Variants in ATXN10 observed in about 807,000 individuals in gnomAD.
ATXN10 encodes ataxin 10, also known as ataxin-10.
A neutral mutation model predicts 52.9 loss-of-function variants in ATXN10; 28 were observed. The ratio of observed to expected loss-of-function variants is 0.53; its 90% CI spans 0.39 to 0.73. The LOEUF is 0.73. ATXN10 is among the 30% of genes least tolerant of loss of function. ATXN10 has a pLI of 0.00. For missense variants in ATXN10, 565 were observed against 577.0 expected (o/e 0.98, Z 0.21); for synonymous variants, 226 against 221.5 (o/e 1.02, Z -0.18).
In ATXN10 at chr22:45,732,035, T is replaced by C. The variant is rs1925107282; in HGVS notation, c.894+2445T>C. Among the ~76,000 whole-genome samples the C allele has an allele frequency of 6.6e-6, 1 of 152,234 alleles. No individual in the cohort carries two copies. ...CTTTTCAGGGCACTTCTGTTTAAAA[T>C]ATAGGTGATTTCAGTATTGTAGTGA... On this transcript the variant is annotated intron_variant, in intron 7 of 11. Coordinates refer to ENST00000252934, the MANE Select transcript of ATXN10 (RefSeq NM_013236.4). The surrounding 1 kb of genome is among the most constrained non-coding windows in gnomAD (Gnocchi z 4.5).
At position 45,696,894 on chromosome 22, in the gene ATXN10, A is replaced by AT. The variant is rs796620815; in HGVS notation, c.392-3385dup. On this transcript the variant is annotated intron_variant, in intron 3 of 11. Transcript: ENST00000252934. This position sits in a 1 kb window ranked among gnomAD's most constrained non-coding sequence, Gnocchi z 4.7. ...TTTGTCATTGAGGAGTAAATTGGTT[A>AT]TTTGGTTGTTAGCTTGGCTATTCAC... Among the ~76,000 whole-genome samples the AT allele has an allele frequency of 2.0e-5, 3 of 152,192 alleles. No homozygotes were observed. The South Asian group carries it at 6.2e-4, about 31-fold the overall frequency.
rs1172930040 is a variant in ATXN10 at position 45,740,713 on chromosome 22, CACACACAT to C, written c.1173+177_1173+184del. On this transcript the variant is annotated intron_variant, in intron 9 of 11. Transcript: ENST00000252934. ...ACACACACACACACACACACACACA[CACACACAT>C]ATATATACACACACACACGTGTGTG... 12 of 334,334 alleles carry C rather than the reference CACACACAT, an allele frequency of 3.6e-5. No homozygotes were observed. The African/African-American group carries it at 3.8e-4, about 11-fold the overall frequency. The allele number at this position is 334,334 out of a possible 1,614,324, so 20.7% of individuals were successfully genotyped here.
At position 45,772,914 on chromosome 22, in the gene ATXN10, G is replaced by A. The variant is rs1054033226; in HGVS notation, c.1173+32376G>A. Among the ~76,000 whole-genome samples, 18 of 152,164 alleles carry A rather than the reference G, an allele frequency of 1.2e-4. No homozygotes were observed. The highest frequency in any genetic ancestry group is 2.2e-4 in the Non-Finnish European group (15 of 68,040). ...GCATATCACCTATGTACATCCTCCC[G>A]TATACTTCAAACCATCTGTAGACTT... On this transcript the variant is annotated intron_variant, in intron 9 of 11. Coordinates refer to ENST00000252934, the MANE Select transcript of ATXN10 (RefSeq NM_013236.4). The surrounding 1 kb of genome is among the most constrained non-coding windows in gnomAD (Gnocchi z 4.1).
chr22:45,756,056 G>C (rs1023031716), intron 9 of ATXN10, among the ~76,000 whole-genome samples: 5 of 152,138 alleles, frequency 3.3e-5, no homozygotes, highest in Admixed American at 1.3e-4. Context: ...CCAAGTCTCT[G>C]AGAGAGGTGA....
At chr22:45,710,814 A>G (rs146549820) in intron 5 of ATXN10, among the ~76,000 whole-genome samples, 100 of 152,298 alleles carry the variant, frequency 6.6e-4, no homozygotes, top group African/African-American at 1.7e-3. Flanking sequence ...CCTTTATGGA[A>G]AAGTTTGCCA....
chr22:45,686,785 C>G (rs1923157183), intron 1 of ATXN10, among the ~76,000 whole-genome samples: 1 of 147,982 alleles, frequency 6.8e-6, no homozygotes, highest in Non-Finnish European at 1.5e-5. Context: ...CGCTACTGCA[C>G]TCCAGCCTGG....
intron 10 of ATXN10, among the ~76,000 whole-genome samples, chr22:45,839,981 A>C (rs1929293592): frequency 6.6e-6 from 1 of 152,222 alleles, no homozygotes; most frequent in African/African-American, 2.4e-5. Flanking sequence ...ATTTCCCAGC[A>C]CCACGCTAGG....
chr22:45,795,838 A>G lies in ATXN10; in HGVS notation c.1174-11121A>G, dbSNP rs1435767664. On this transcript the variant is annotated intron_variant, in intron 9 of 11. Transcript: ENST00000252934. The surrounding 1 kb of genome is among the most constrained non-coding windows in gnomAD (Gnocchi z 4.6). ...TGCCTGTCTTGTCTTTAATATCTTA[A>G]TCTCGTCATCTTCATAAGCTGAGGA... 2.6e-5 allele frequency among the ~76,000 whole-genome samples: 4 copies of G among 152,164 alleles called. No homozygotes were observed. Among genetic ancestry groups the G allele is most frequent in the African/African-American group, 9.7e-5 (4 of 41,420 alleles).
At chr22:45,764,629 C>T (rs537629044) in intron 9 of ATXN10, among the ~76,000 whole-genome samples, 2 of 152,282 alleles carry the variant, frequency 1.3e-5, no homozygotes, top group East Asian at 1.9e-4. Flanking sequence ...GTATCAAACC[C>T]TTGCATGCTT....
rs199539136 is a variant in ATXN10 at position 45,706,437 on chromosome 22, G to C, written c.647+3590G>C. Among the ~76,000 whole-genome samples the C allele has an allele frequency of 3.3e-5, 5 of 151,916 alleles. No homozygotes were observed. In the East Asian group the frequency reaches 9.7e-4, roughly 29 times the overall value. ...ATCTTTATTATATTCTTTCTTCTGC[G>C]TGCTTTGGGTTTGGTTTGCTCTTCT... On this transcript the variant is annotated intron_variant, in intron 5 of 11. Transcript: ENST00000252934.
chr22:45,837,043 C>CAAG lies in ATXN10; in HGVS notation c.1238-5948_1238-5947insAAG, dbSNP rs1929190057. 2.6e-5 allele frequency among the ~76,000 whole-genome samples: 4 copies of CAAG among 152,174 alleles called. No individual in the cohort carries two copies. Among genetic ancestry groups the CAAG allele is most frequent in the Admixed American group, 1.3e-4 (2 of 15,286 alleles). On this transcript the variant is annotated intron_variant, in intron 10 of 11. Transcript: ENST00000252934. This position sits in a 1 kb window ranked among gnomAD's most constrained non-coding sequence, Gnocchi z 5.8. ...AGCCCTGCAGCACACAAATCCCTTGCCTTCATGGGTTTGTTATCTAAAAAG... is the reference window on the plus strand; with the variant it reads ...AGCCCTGCAGCACACAAATCCCTTGCAAGCTTCATGGGTTTGTTATCTAAAAAG...
intron 9 of ATXN10, among the ~76,000 whole-genome samples, chr22:45,751,740 G>A (rs4997048): frequency 0.047 from 2,142 of 45,332 alleles, 48 homozygotes; most frequent in African/African-American, 0.19. Flanking sequence ...CCTTTTTCTG[G>A]AAAAAAAAAA....
rs927975290 is a variant in ATXN10, at chr22:45,833,108, T to G, written c.1238-9883T>G. On this transcript the variant is annotated intron_variant, in intron 10 of 11. Transcript: ENST00000252934. The surrounding 1 kb of genome is among the most constrained non-coding windows in gnomAD (Gnocchi z 4.3). ...GACTGCAGGTAACTCTTGAGTCACC[T>G]ATTACTGTTAGAAGTGAAAGCAGAC... 6.6e-6 allele frequency among the ~76,000 whole-genome samples: 1 copy of G among 152,224 alleles called. No individual in the cohort carries two copies. The highest frequency in any genetic ancestry group is 6.5e-5 in the Admixed American group (1 of 15,286).
At chr22:45,794,055 A>G (rs1455712835) in intron 9 of ATXN10, among the ~76,000 whole-genome samples, 1 of 152,190 alleles carries the variant, frequency 6.6e-6, no homozygotes, top group East Asian at 1.9e-4. Context: ...AAGGGTGGCA[A>G]CTCTTAAGTC....
At chr22:45,830,708 A>G (rs1249503760) in intron 10 of ATXN10, among the ~76,000 whole-genome samples, 1 of 151,438 alleles carries the variant, frequency 6.6e-6, no homozygotes, top group Non-Finnish European at 1.5e-5. Context: ...AAAAAAAAAA[A>G]CAAGTCTTGG....
chr22:45,767,800 T>G (rs1466795788), intron 9 of ATXN10, among the ~76,000 whole-genome samples: 1 of 152,186 alleles, frequency 6.6e-6, no homozygotes, highest in Non-Finnish European at 1.5e-5. Context: ...GACAATGTAA[T>G]TCTAGTGGGG....
At chr22:45,822,764 C>T (rs760551970) in intron 10 of ATXN10, among the ~76,000 whole-genome samples, 9 of 151,900 alleles carry the variant, frequency 5.9e-5, no homozygotes, top group Admixed American at 1.3e-4. Context: ...TCAGGTGATC[C>T]GTCTGCCTTG....
At chr22:45,813,319 C>T (rs1601662449) in intron 10 of ATXN10, among the ~76,000 whole-genome samples, 1 of 143,352 alleles carries the variant, frequency 7.0e-6, no homozygotes, top group African/African-American at 2.6e-5. Flanking sequence ...ATCGGTTGTC[C>T]TTGATGTGGG....
At position 45,672,197 on chromosome 22, in the gene ATXN10, G is replaced by T; in HGVS notation, c.116+18G>T. 6.6e-7 allele frequency: 1 copy of T among 1,520,418 alleles called. No individual in the cohort carries two copies. The highest frequency in any genetic ancestry group is 1.2e-5 in the South Asian group (1 of 82,436). 94.2% of individuals were successfully genotyped at this position (1,520,418 alleles called of 1,614,324 possible). A position where few individuals can be genotyped will look rare whatever the true frequency, so the allele number is the denominator to read the frequency against. On this transcript the variant is annotated intron_variant, in intron 1 of 11. Transcript: ENST00000252934. ...CGGAACCGGTAACGGGTCCGGCCGGGGGGCTGCCCCGGGCAGGGGAGGGCG... is the reference window on the plus strand; with the variant it reads ...CGGAACCGGTAACGGGTCCGGCCGGTGGGCTGCCCCGGGCAGGGGAGGGCG...
Sources: gnomAD v4.1 joint callset for allele counts (sites outside exome capture counted in the v4.1 genomes callset) on GRCh38, gnomAD v4.1.1 for gene constraint, Gnocchi (gnomAD v3.1) non-coding constraint, MANE v1.5 for transcripts, NCBI Gene and HGNC (gene_info 2026-07-23, HGNC 2026-07-21) for gene names.